The following TRIB2 variants were observed in gnomAD, a reference collection of about 807,000 sequenced individuals.
TRIB2 encodes tribbles pseudokinase 2.
TRIB2 carries 2 observed loss-of-function variants against 26.8 expected under a neutral mutation model. The ratio of observed to expected loss-of-function variants is 0.07; its 90% confidence interval spans 0.03 to 0.24. The LOEUF is 0.24. TRIB2 is among the 10% of genes least tolerant of loss of function. The pLI, the probability that TRIB2 is intolerant of heterozygous loss-of-function variation, is 1.00. For missense variants in TRIB2, 306 were observed against 449.0 expected (o/e 0.68, Z 2.88); for synonymous variants, 189 against 187.3 (o/e 1.01, Z -0.08).
intron 2 of TRIB2, among the ~76,000 whole-genome samples, chr2:12,734,853 A>G (rs1661534111): frequency 6.6e-6 from 1 of 152,184 alleles, no homozygotes; most frequent in African/African-American, 2.4e-5. Context: ...TGGAAAATTC[A>G]TAATGCCCAG....
At chr2:12,739,802 C>T (rs1325443496) in intron 2 of TRIB2, among the ~76,000 whole-genome samples, 2 of 152,178 alleles carry the variant, frequency 1.3e-5, no homozygotes, top group Non-Finnish European at 2.9e-5. Flanking sequence ...TAATATCCTA[C>T]GTGTCTAATA....
chr2:12,718,252 G>A lies in TRIB2; in HGVS notation c.-56G>A. 6.4e-7 allele frequency: 1 copy of A among 1,574,370 alleles called. No homozygotes were observed. Among genetic ancestry groups the A allele is most frequent in the South Asian group, 1.2e-5 (1 of 85,586 alleles). The stretch of plus-strand genomic sequence containing the variant: ...GAGGCGCCTGCAGCCGCACTCGCCA[G>A]CGACTCATCTCTCCAGCGGGTTTTT... On this transcript the variant is annotated 5_prime_UTR_variant, in exon 1 of 3. Coordinates refer to ENST00000155926, the MANE Select transcript of TRIB2 (RefSeq NM_021643.4). The surrounding 1 kb of genome is among the most constrained non-coding windows in gnomAD (Gnocchi z 4.0).
At position 12,742,171 on chromosome 2, in the gene TRIB2, T is replaced by C. The variant is rs1661723351; in HGVS notation, c.*1377T>C. Reference sequence around the variant, plus strand: ...TTATTTGATTTCGAGTGGCAAAATGTTTTTTATTACGGCTTTTCTATTGCT... The same window carrying C: ...TTATTTGATTTCGAGTGGCAAAATGCTTTTTATTACGGCTTTTCTATTGCT... On this transcript the variant is annotated 3_prime_UTR_variant, in exon 3 of 3. Transcript: ENST00000155926. 6.5e-6 allele frequency: 1 copy of C among 152,680 alleles called. No homozygotes were observed. Among genetic ancestry groups the C allele is most frequent in the African/African-American group, 2.4e-5 (1 of 41,462 alleles). The allele number at this position is 152,680 out of a possible 1,614,324, so 9.5% of individuals were successfully genotyped here. A position where few individuals can be genotyped will look rare whatever the true frequency, so the allele number is the denominator to read the frequency against.
intron 2 of TRIB2, chr2:12,724,786 T>G (rs778566813): frequency 6.2e-6 from 10 of 1,612,418 alleles, no homozygotes; most frequent in East Asian, 2.2e-5. Context: ...CTCTAAGGTC[T>G]TTTCAATTAA....
rs558963835 is a variant in TRIB2 at position 12,736,260 on chromosome 2, C to T, written c.564-4066C>T. ...CAATCCGGGTGGGGAGACACTGTGG[C>T]AAAGGCCTCAGAAGGACTGGGGTCA... On this transcript the variant is annotated intron_variant, in intron 2 of 2. Coordinates refer to ENST00000155926, the MANE Select transcript of TRIB2 (RefSeq NM_021643.4). 2.0e-5 allele frequency among the ~76,000 whole-genome samples: 3 copies of T among 152,064 alleles called. No homozygotes were observed. The South Asian group carries it at 6.3e-4, about 32-fold the overall frequency.
rs560972568 is a variant in TRIB2 at position 12,717,129 on chromosome 2, T to TG, written c.-1171dup. On this transcript the variant is annotated 5_prime_UTR_variant, in exon 1 of 3. Coordinates refer to ENST00000155926, the MANE Select transcript of TRIB2 (RefSeq NM_021643.4). This position sits in a 1 kb window ranked among gnomAD's most constrained non-coding sequence, Gnocchi z 4.8. ...TAAATACACGGTCCCCTCTTTTCTC[T>TG]GGGGGGGGCAAGCAAGAAATCAAAG... 4.1e-3 allele frequency: 1,485 copies of TG among 363,556 alleles called. 10 individuals carry two copies. The highest frequency in any genetic ancestry group is 0.021 in the African/African-American group (1,000 of 47,474). 22.5% of individuals were successfully genotyped at this position (363,556 alleles called of 1,614,324 possible). A position where few individuals can be genotyped will look rare whatever the true frequency, so the allele number is the denominator to read the frequency against.
intron 2 of TRIB2, among the ~76,000 whole-genome samples, chr2:12,727,795 C>A (rs540891557): frequency 6.6e-6 from 1 of 152,160 alleles, no homozygotes; most frequent in Non-Finnish European, 1.5e-5. Context: ...CTGGCCACAC[C>A]CTGTGCATCC....
intron 1 of TRIB2, among the ~76,000 whole-genome samples, chr2:12,719,719 C>A (rs1471855937): frequency 1.3e-5 from 2 of 151,964 alleles, no homozygotes; most frequent in Non-Finnish European, 2.9e-5. Context: ...TGCCTTATTT[C>A]CTAGTGGACT....
intron 1 of TRIB2, among the ~76,000 whole-genome samples, chr2:12,722,626 G>A (rs2103250113): frequency 6.6e-6 from 1 of 152,202 alleles, no homozygotes; most frequent in East Asian, 1.9e-4. Flanking sequence ...AAGAGAGGAA[G>A]AAGCAAGGCT....
chr2:12,734,590 C>T (rs1661530329), intron 2 of TRIB2, among the ~76,000 whole-genome samples: 1 of 152,086 alleles, frequency 6.6e-6, no homozygotes, highest in African/African-American at 2.4e-5. Flanking sequence ...ATTGTTGCCC[C>T]CAGTTTTTTG....
In TRIB2 at chr2:12,717,669, CCAT is replaced by C; in HGVS notation, c.-637_-635del. On this transcript the variant is annotated 5_prime_UTR_variant, in exon 1 of 3. Transcript: ENST00000155926. The surrounding 1 kb of genome is among the most constrained non-coding windows in gnomAD (Gnocchi z 4.8). ...CGCGATCTTGGAAAAGCCTCAGACG[CCAT>C]CTACAGTTAAAACGTAGGTAACTGC... The C allele has an allele frequency of 2.5e-6, 1 of 393,890 alleles. No homozygotes were observed. The highest frequency in any genetic ancestry group is 3.6e-5 in the East Asian group (1 of 27,872). 24.4% of individuals were successfully genotyped at this position (393,890 alleles called of 1,614,324 possible).
At chr2:12,733,479 G>A (rs1031800047) in intron 2 of TRIB2, among the ~76,000 whole-genome samples, 3 of 152,192 alleles carry the variant, frequency 2.0e-5, no homozygotes, top group Admixed American at 6.5e-5. Flanking sequence ...AGCTTGTTCA[G>A]TTTCTCTGTG....
intron 2 of TRIB2, among the ~76,000 whole-genome samples, chr2:12,730,333 AC>A (rs1443806695): frequency 6.6e-6 from 1 of 152,224 alleles, no homozygotes; most frequent in African/African-American, 2.4e-5. Context: ...TGGGGTTGGT[AC>A]CCAGGCCCCT....
Position 12,722,256 on chromosome 2 carries a change from T to C in TRIB2, c.271-1004T>C, listed in dbSNP as rs970496056. Among the ~76,000 whole-genome samples, 22 of 152,224 alleles carry C rather than the reference T, an allele frequency of 1.4e-4. 1 individual carries two copies. The highest frequency in any genetic ancestry group is 1.3e-3 in the Admixed American group (20 of 15,284). ...TTGTGAACTGATAGCATGCAGTGTA[T>C]TGTTAGGGCGTTCCTGCCTCAGATG... On this transcript the variant is annotated intron_variant, in intron 1 of 2. Transcript: ENST00000155926.
intron 2 of TRIB2, chr2:12,724,738 A>C (rs1156621867): frequency 6.2e-7 from 1 of 1,612,754 alleles, no homozygotes; most frequent in South Asian, 1.1e-5. Context: ...TACCAGCCTC[A>C]TATTTCTCCT....
At chr2:12,727,511 G>C (rs1661361749) in intron 2 of TRIB2, among the ~76,000 whole-genome samples, 1 of 152,166 alleles carries the variant, frequency 6.6e-6, no homozygotes, top group Admixed American at 6.5e-5. Flanking sequence ...ACCTGGTCTG[G>C]AACCTGAGGC....
chr2:12,733,813 C>G (rs1364373416), intron 2 of TRIB2, among the ~76,000 whole-genome samples: 4 of 151,982 alleles, frequency 2.6e-5, no homozygotes, highest in Non-Finnish European at 5.9e-5. Context: ...CCAAAAGAAC[C>G]AGGGGCCACA....
chr2:12,738,542 C>T (rs2042566), intron 2 of TRIB2, among the ~76,000 whole-genome samples: 50,602 of 152,026 alleles, frequency 0.33, 10,179 homozygotes, highest in East Asian at 0.73. Flanking sequence ...ATTAACTGAG[C>T]TTTTGAGACC....
At chr2:12,724,740 A>G (rs559630031) in intron 2 of TRIB2, 7 of 1,612,408 alleles carry the variant, frequency 4.3e-6, no homozygotes, top group South Asian at 1.1e-5. Context: ...CCAGCCTCAT[A>G]TTTCTCCTTC....
Sources: gnomAD v4.1 joint callset for allele counts (sites outside exome capture counted in the v4.1 genomes callset) on GRCh38, gnomAD v4.1.1 for gene constraint, Gnocchi (gnomAD v3.1) non-coding constraint, MANE v1.5 for transcripts, NCBI Gene and HGNC (gene_info 2026-07-23, HGNC 2026-07-21) for gene names.